ESRRG: variants seen among roughly 807,000 people sequenced by gnomAD.
The protein encoded by ESRRG is estrogen-related receptor gamma.
Under a neutral mutation model 44.0 loss-of-function variants are expected in ESRRG, and 13 were observed. The observed-to-expected ratio is 0.30, with a 90% CI of 0.19 to 0.47. ESRRG has a LOEUF of 0.47. ESRRG is among the 20% of genes least tolerant of loss of function. The pLI is 1.00. For synonymous variants in ESRRG, 215 were observed against 214.6 expected (o/e 1.00, Z -0.02); for missense variants, 395 against 580.6 (o/e 0.68, Z 3.29).
At chr1:216,725,299 A>G (rs2087269968), upstream of ESRRG, among the ~76,000 whole-genome samples, 1 of 152,146 alleles carries the variant, frequency 6.6e-6, no homozygotes, top group Non-Finnish European at 1.5e-5. Context: ...CAGGTAGTAA[A>G]AGCTTAATTA....
At chr1:217,011,840 T>C (rs1055566781) in intron 1 of ESRRG, among the ~76,000 whole-genome samples, 1 of 152,182 alleles carries the variant, frequency 6.6e-6, no homozygotes, top group Non-Finnish European at 1.5e-5. Flanking sequence ...TCAGCCTGGA[T>C]GTCTAGTTTC....
intron 3 of ESRRG, among the ~76,000 whole-genome samples, chr1:216,569,140 G>GAAGGA (rs2060260270): frequency 7.6e-6 from 1 of 130,976 alleles, no homozygotes; most frequent in Non-Finnish European, 1.6e-5. Context: ...AGGAAAGAAG[G>GAAGGA]AAAGAAGAGT....
intron 2 of ESRRG, among the ~76,000 whole-genome samples, chr1:216,828,976 G>C (rs549346539): frequency 6.6e-5 from 10 of 152,316 alleles, no homozygotes; most frequent in African/African-American, 2.4e-4. Flanking sequence ...GCATTACACA[G>C]AGAAGGGTCT....
At chr1:216,568,228 C>G in intron 3 of ESRRG, 130 bp from the exon 4 acceptor site, 1 of 658,578 alleles carries the variant, frequency 1.5e-6, no homozygotes, top group Middle Eastern at 2.9e-4. Context: ...CAGGGGTACT[C>G]AAATAATGTA....
chr1:216,955,362 G>T (rs888856662), intron 1 of ESRRG, among the ~76,000 whole-genome samples: 1 of 152,130 alleles, frequency 6.6e-6, no homozygotes, highest in Non-Finnish European at 1.5e-5. Flanking sequence ...TGCTGTGAAT[G>T]ACAAAAATCT....
intron 1 of ESRRG, among the ~76,000 whole-genome samples, chr1:217,077,405 T>C (rs1166336): frequency 0.94 from 143,544 of 152,240 alleles, 68,114 homozygotes; most frequent in East Asian, 1. Flanking sequence ...CTTAGAGCCT[T>C]AGAGTGTTCA....
chr1:216,863,742 C>T (rs1255391031), intron 2 of ESRRG: 1 of 152,038 alleles, frequency 6.6e-6, no homozygotes, highest in Non-Finnish European at 1.5e-5. Context: ...CACTTTTTGT[C>T]CTACCTGCTC....
chr1:216,673,948 T>A (rs2075646198), intron 2 of ESRRG, among the ~76,000 whole-genome samples: 2 of 152,212 alleles, frequency 1.3e-5, no homozygotes, highest in Admixed American at 6.5e-5. Context: ...TCAGTAAATA[T>A]TCGTTGAATA....
At chr1:216,570,708 A>G (rs2060625959) in intron 3 of ESRRG, among the ~76,000 whole-genome samples, 1 of 152,202 alleles carries the variant, frequency 6.6e-6, no homozygotes, top group Admixed American at 6.5e-5. Flanking sequence ...TAGAAGTGTG[A>G]AGAGAAGGCA....
At chr1:216,735,796 T>C (rs2089751153) in intron 2 of ESRRG, among the ~76,000 whole-genome samples, 2 of 151,642 alleles carry the variant, frequency 1.3e-5, no homozygotes, top group African/African-American at 4.8e-5. Flanking sequence ...CTGGCCAAGA[T>C]GGTGAAACCC....
intron 2 of ESRRG, among the ~76,000 whole-genome samples, chr1:216,810,575 A>G (rs1426145204): frequency 6.8e-6 from 1 of 147,662 alleles, no homozygotes; most frequent in Non-Finnish European, 1.5e-5. Context: ...TATATTATAT[A>G]TATTATAAAT....
chr1:216,816,162 C>T (rs2095131023), intron 2 of ESRRG, among the ~76,000 whole-genome samples: 1 of 152,120 alleles, frequency 6.6e-6, no homozygotes, highest in Admixed American at 6.6e-5. Flanking sequence ...GAAATGGGAG[C>T]AAAGGTTTAA....
intron 3 of ESRRG, among the ~76,000 whole-genome samples, chr1:216,644,685 C>A (rs1452166060): frequency 1.3e-5 from 2 of 152,096 alleles, no homozygotes; most frequent in African/African-American, 4.8e-5. Context: ...AACCCTCCCA[C>A]CTTGGCCTCC....
At chr1:217,130,968 C>T (rs1477608551) in intron 1 of ESRRG, among the ~76,000 whole-genome samples, 1 of 151,828 alleles carries the variant, frequency 6.6e-6, no homozygotes, top group African/African-American at 2.4e-5. Context: ...ACTATATTGC[C>T]ACGAATTTAA....
At chr1:216,727,805 C>T (rs1403074164), upstream of ESRRG, among the ~76,000 whole-genome samples, 5 of 151,844 alleles carry the variant, frequency 3.3e-5, no homozygotes, top group Non-Finnish European at 7.4e-5. Context: ...AATTATGGAG[C>T]CTATATATAA....
intron 1 of ESRRG, among the ~76,000 whole-genome samples, chr1:216,942,580 T>C (rs963181639): frequency 6.6e-6 from 1 of 152,162 alleles, no homozygotes; most frequent in Admixed American, 6.5e-5. Flanking sequence ...CATCTGTTAT[T>C]TTTTCATTTT....
rs556799588 is a variant in ESRRG at position 216,512,805 on chromosome 1, G to T, written c.1133-5622C>A. ...TGATTAAGTTAAGGACCCTGATATG[G>T]GAGATTATCCTAGATTATTCAGGTG... On this transcript the variant is annotated intron_variant, in intron 6 of 6. Coordinates refer to ENST00000408911, the MANE Select transcript of ESRRG (RefSeq NM_001438.4). 5.9e-5 allele frequency among the ~76,000 whole-genome samples: 9 copies of T among 152,240 alleles called. 1 individual carries two copies. In the South Asian group the frequency reaches 1.9e-3, roughly 32 times the overall value.
At chr1:216,914,706 A>G (rs1162432160) in intron 2 of ESRRG, among the ~76,000 whole-genome samples, 4 of 152,166 alleles carry the variant, frequency 2.6e-5, no homozygotes, top group Non-Finnish European at 5.9e-5. Context: ...ACCTGATGCC[A>G]GTGTTCCTGA....
chr1:216,838,981 C>A (rs1035162992), intron 2 of ESRRG, among the ~76,000 whole-genome samples: 2 of 152,064 alleles, frequency 1.3e-5, no homozygotes, highest in Non-Finnish European at 2.9e-5. Flanking sequence ...AAAAGGACAA[C>A]AATGAAATTT....
Sources: gnomAD v4.1 joint callset for allele counts (sites outside exome capture counted in the v4.1 genomes callset) on GRCh38, gnomAD v4.1.1 for gene constraint, MANE v1.5 for transcripts, NCBI Gene and HGNC (gene_info 2026-07-23, HGNC 2026-07-21) for gene names.